DOCK3: variants seen among roughly 807,000 people sequenced by gnomAD.
DOCK3 encodes the protein dedicator of cytokinesis protein 3.
In DOCK3, 60 loss-of-function variants were observed where a neutral mutation model predicts 265.6. The ratio of observed to expected loss-of-function variants is 0.23; its 90% CI spans 0.18 to 0.28. DOCK3 has a LOEUF of 0.28. Ranked by LOEUF, DOCK3 falls within the 10% of genes least tolerant of loss-of-function variation. The pLI is 1.00. For synonymous variants in DOCK3, 881 were observed against 938.0 expected (o/e 0.94, Z 1.11); for missense variants, 1,981 against 2,594.3 (o/e 0.76, Z 5.14).
chr3:50,974,460 C>A (rs1386582885), intron 5 of DOCK3, among the ~76,000 whole-genome samples: 1 of 151,780 alleles, frequency 6.6e-6, no homozygotes, highest in Non-Finnish European at 1.5e-5. Context: ...AGATATGCAG[C>A]GTTATTTCTG....
chr3:50,880,493 A>G (rs2047968071), intron 3 of DOCK3: 1 of 182,806 alleles, frequency 5.5e-6, no homozygotes. Context: ...AAAACACTGT[A>G]AACACCTCTA....
At position 51,137,167 on chromosome 3, in the gene DOCK3, A is replaced by G. The variant is rs1371650871; in HGVS notation, c.747-9382A>G. ...GCTTTAAAATAAAGTGGGAAAACTTAAAGAATTTGAGAAATAAAGCCAAGT... is the reference window on the plus strand; with the variant it reads ...GCTTTAAAATAAAGTGGGAAAACTTGAAGAATTTGAGAAATAAAGCCAAGT... On this transcript the variant is annotated intron_variant, in intron 9 of 52. Coordinates refer to ENST00000266037, the MANE Select transcript of DOCK3 (RefSeq NM_004947.5). 3.9e-5 allele frequency among the ~76,000 whole-genome samples: 6 copies of G among 152,180 alleles called. No homozygotes were observed. The South Asian group carries it at 1.0e-3, about 26-fold the overall frequency.
chr3:51,380,432 A>G (rs1577001805), intron 52 of DOCK3, among the ~76,000 whole-genome samples: 1 of 152,192 alleles, frequency 6.6e-6, no homozygotes, highest in Non-Finnish European at 1.5e-5. Context: ...TCCTGGAGAC[A>G]ACAACACACA....
intron 27 of DOCK3, among the ~76,000 whole-genome samples, chr3:51,290,809 G>A (rs973652016): frequency 3.3e-5 from 5 of 152,142 alleles, no homozygotes; most frequent in African/African-American, 9.7e-5. Context: ...GGCTGGGCAC[G>A]GTGGCTCATG....
intron 5 of DOCK3, among the ~76,000 whole-genome samples, chr3:50,970,891 TTATATATA>T (rs55749209): frequency 0.011 from 137 of 12,120 alleles, 3 homozygotes; most frequent in Non-Finnish European, 0.017. Context: ...CATCTAATTT[TTATATATA>T]TATATATATA....
At chr3:50,743,369 A>G (rs961915761) in intron 1 of DOCK3, among the ~76,000 whole-genome samples, 4 of 151,964 alleles carry the variant, frequency 2.6e-5, no homozygotes, top group Non-Finnish European at 5.9e-5. Context: ...TAAATGGACT[A>G]AAAGCTCCAA....
intron 13 of DOCK3, 33 bp downstream of exon 13, chr3:51,208,895 T>TTTGC (rs1418415707): frequency 6.3e-7 from 1 of 1,579,678 alleles, no homozygotes; most frequent in Non-Finnish European, 8.6e-7. Context: ...ACATTTTGTG[T>TTTGC]TACATTTGTA....
At chr3:51,018,026 G>C (rs2079426802) in intron 5 of DOCK3, among the ~76,000 whole-genome samples, 1 of 151,344 alleles carries the variant, frequency 6.6e-6, no homozygotes, top group Non-Finnish European at 1.5e-5. Flanking sequence ...CCGAGTACCT[G>C]GATTACAGGT....
intron 35 of DOCK3, among the ~76,000 whole-genome samples, chr3:51,333,909 T>C (rs2084694425): frequency 6.6e-6 from 1 of 151,968 alleles, no homozygotes; most frequent in South Asian, 2.1e-4. Context: ...AGGGCAATCA[T>C]GGCTCACTGC....
intron 31 of DOCK3, among the ~76,000 whole-genome samples, chr3:51,314,404 A>C (rs1399128545): frequency 6.6e-6 from 1 of 152,202 alleles, no homozygotes; most frequent in Non-Finnish European, 1.5e-5. Flanking sequence ...CCAGCCTTTT[A>C]GGGTAGGGCT....
intron 9 of DOCK3, among the ~76,000 whole-genome samples, chr3:51,109,852 G>A (rs2083438891): frequency 6.6e-6 from 1 of 152,000 alleles, no homozygotes; most frequent in Non-Finnish European, 1.5e-5. Context: ...AGGATTGCTT[G>A]GATCTGAGAG....
intron 3 of DOCK3, among the ~76,000 whole-genome samples, chr3:50,883,032 C>T (rs2048132881): frequency 6.6e-6 from 1 of 152,092 alleles, no homozygotes; most frequent in African/African-American, 2.4e-5. Context: ...AAACCAAACA[C>T]TGCATGTTCT....
intron 14 of DOCK3, 97 bp downstream of exon 14, chr3:51,214,344 C>T: frequency 4.1e-6 from 6 of 1,477,302 alleles, no homozygotes; most frequent in Non-Finnish European, 5.4e-6. Flanking sequence ...ATGGAGAAGA[C>T]CTGCAGCTAT....
At chr3:51,150,277 C>CA (rs1576246601) in intron 10 of DOCK3, among the ~76,000 whole-genome samples, 1 of 151,730 alleles carries the variant, frequency 6.6e-6, no homozygotes, top group Non-Finnish European at 1.5e-5. Context: ...TTGATCTTTT[C>CA]AAAAAAACAG....
intron 5 of DOCK3, among the ~76,000 whole-genome samples, chr3:50,958,222 C>T (rs2076781851): frequency 6.6e-6 from 1 of 152,166 alleles, no homozygotes; most frequent in African/African-American, 2.4e-5. Context: ...AGAAGTCGTC[C>T]TTGACTGGGG....
chr3:51,052,252 T>C (rs1336258821), intron 5 of DOCK3, among the ~76,000 whole-genome samples: 1 of 152,106 alleles, frequency 6.6e-6, no homozygotes, highest in East Asian at 1.9e-4. Flanking sequence ...ATGCCCGTAA[T>C]CCCAGCACTT....
At chr3:50,996,025 C>T (rs1398197209) in intron 5 of DOCK3, among the ~76,000 whole-genome samples, 2 of 150,448 alleles carry the variant, frequency 1.3e-5, no homozygotes, top group African/African-American at 4.9e-5. Context: ...GCCTCCTGAG[C>T]ATCACACCCG....
At chr3:51,315,353 C>A (rs1433278146) in intron 32 of DOCK3, among the ~76,000 whole-genome samples, 1 of 152,182 alleles carries the variant, frequency 6.6e-6, no homozygotes, top group African/African-American at 2.4e-5. Context: ...GAATGAACAT[C>A]ACTATAACTT....
At chr3:51,006,936 C>G (rs2078703304) in intron 5 of DOCK3, among the ~76,000 whole-genome samples, 1 of 152,184 alleles carries the variant, frequency 6.6e-6, no homozygotes, top group African/African-American at 2.4e-5. Context: ...ATCCATGTCC[C>G]TACAAAGGAC....
Sources: gnomAD v4.1 joint callset for allele counts (sites outside exome capture counted in the v4.1 genomes callset) on GRCh38, gnomAD v4.1.1 for gene constraint, MANE v1.5 for transcripts, NCBI Gene and HGNC (gene_info 2026-07-23, HGNC 2026-07-21) for gene names.